The following NVL variants were observed in gnomAD, a reference collection of about 807,000 sequenced individuals.
The protein encoded by NVL is nuclear VCP like.
NVL carries 84 observed loss-of-function variants against 110.2 expected under a neutral mutation model. The ratio of observed to expected loss-of-function variants is 0.76; its 90% confidence interval spans 0.64 to 0.91. The LOEUF is 0.91. Ranked by LOEUF, NVL falls within the 40% of genes least tolerant of loss-of-function variation. The pLI is 0.00. For missense variants in NVL, 882 were observed against 1,035.9 expected, an observed-to-expected ratio of 0.85 and a Z score of 2.04; for synonymous variants, 354 against 361.1, an observed-to-expected ratio of 0.98 and a Z score of 0.22.
In NVL at chr1:224,268,068, C is replaced by T; in HGVS notation, c.2148G>A (p.Gln716=). ...TAGTGGCTGCCATAATAAAAACCTG[C>T]TGGCGTGCTTCCAGACCATCCATCT... The part of the protein sequence containing the change: ...LTEMDGLEAR[Q]QVFIMAATNR... Residue 716 remains glutamine (Q), a synonymous_variant, in exon 18 of 23, where the codon CAG becomes CAA. Coordinates refer to ENST00000281701, the MANE Select transcript of NVL (RefSeq NM_002533.4). 1 of 1,614,030 alleles carries T rather than the reference C, an allele frequency of 6.2e-7. No homozygotes were observed. Among genetic ancestry groups the T allele is most frequent in the Non-Finnish European group, 8.5e-7 (1 of 1,179,968 alleles).
chr1:224,248,934 A>G (rs1662155425), intron 19 of NVL, among the ~76,000 whole-genome samples: 1 of 152,218 alleles, frequency 6.6e-6, no homozygotes, highest in Non-Finnish European at 1.5e-5. Context: ...GACAGCTCCC[A>G]TGGGGGGAGG....
chr1:224,264,380 C>T (rs920750588), intron 18 of NVL, among the ~76,000 whole-genome samples: 3 of 151,054 alleles, frequency 2.0e-5, no homozygotes, highest in Admixed American at 1.3e-4. Flanking sequence ...CCTGAGTAGC[C>T]GGGATTGCAG....
intron 19 of NVL, among the ~76,000 whole-genome samples, chr1:224,237,522 T>C (rs991373494): frequency 7.2e-5 from 11 of 152,144 alleles, no homozygotes; most frequent in African/African-American, 2.7e-4. Context: ...ACCCAGTAAC[T>C]TGCATGCATA....
At chr1:224,237,999 C>A (rs980544654) in intron 19 of NVL, among the ~76,000 whole-genome samples, 16 of 149,136 alleles carry the variant, frequency 1.1e-4, no homozygotes, top group Non-Finnish European at 2.4e-4. Context: ...GAAACACACA[C>A]AAAAGTGAAT....
At chr1:224,233,570 C>T (rs923085329) in intron 20 of NVL, among the ~76,000 whole-genome samples, 1 of 151,938 alleles carries the variant, frequency 6.6e-6, no homozygotes, top group Non-Finnish European at 1.5e-5. Context: ...CTAGTCTCAG[C>T]AATATGGAGA....
chr1:224,260,833 C>T (rs749573010), intron 18 of NVL, among the ~76,000 whole-genome samples: 3 of 151,260 alleles, frequency 2.0e-5, no homozygotes, highest in Non-Finnish European at 4.4e-5. Flanking sequence ...TCCCAAGTAG[C>T]TGGGATTACA....
At position 224,275,434 on chromosome 1, in the gene NVL, C is replaced by T. The variant is rs1278162011; in HGVS notation, c.1987G>A (p.Val663Met). Residue 663 changes from valine (V) to methionine (M), a missense_variant, in exon 17 of 23, where the codon GTG (valine) becomes ATG (methionine). Physicochemically the swap from Val to Met is conservative, Grantham distance 21. Coordinates refer to ENST00000281701, the MANE Select transcript of NVL (RefSeq NM_002533.4). ...TTGGCTCGTTGAAAAACTTGTCGCA[C>T]AGCACGTTCACTCTCACCAACATAC... The part of the protein sequence containing the change: ...NMYVGESERA[V>M]RQVFQRAKNS... The T allele has an allele frequency of 4.3e-6, 7 of 1,614,140 alleles. No individual in the cohort carries two copies. Among genetic ancestry groups the T allele is most frequent in the Non-Finnish European group, 1.7e-6 (2 of 1,180,034 alleles).
chr1:224,257,324 G>C (rs1322719958), intron 18 of NVL, among the ~76,000 whole-genome samples: 3 of 151,484 alleles, frequency 2.0e-5, no homozygotes, highest in Non-Finnish European at 4.4e-5. Flanking sequence ...GCTTGCCATG[G>C]GTAAAAAACA....
chr1:224,286,573 T>C (rs1666894930), intron 14 of NVL, among the ~76,000 whole-genome samples: 1 of 152,232 alleles, frequency 6.6e-6, no homozygotes, highest in South Asian at 2.1e-4. Context: ...TACCTGTTCA[T>C]GCTCTGTGGT....
intron 2 of NVL, among the ~76,000 whole-genome samples, chr1:224,325,952 A>G (rs1430110689): frequency 6.6e-6 from 1 of 151,408 alleles, no homozygotes; most frequent in East Asian, 1.9e-4. Context: ...AAGCCTGGCA[A>G]ATTTTTGTAT....
chr1:224,293,190 C>T (rs1009762041), intron 12 of NVL, among the ~76,000 whole-genome samples: 1 of 151,932 alleles, frequency 6.6e-6, no homozygotes, highest in African/African-American at 2.4e-5. Context: ...CTGCCTCAGC[C>T]TCTCAAGTAG....
At chr1:224,306,468 G>A (rs1480433465) in intron 6 of NVL, among the ~76,000 whole-genome samples, 1 of 152,062 alleles carries the variant, frequency 6.6e-6, no homozygotes, top group Non-Finnish European at 1.5e-5. Flanking sequence ...GGGTTTCACT[G>A]TGTTAGCCAG....
At chr1:224,303,925 T>C in intron 8 of NVL, 68 bp from the exon 9 acceptor site, 1 of 1,504,250 alleles carries the variant, frequency 6.6e-7, no homozygotes, top group East Asian at 2.4e-5. Flanking sequence ...AATGTCCTAT[T>C]TTTCGGAGCA....
At chr1:224,310,648 C>T (rs963712390) in intron 5 of NVL, among the ~76,000 whole-genome samples, 5 of 152,140 alleles carry the variant, frequency 3.3e-5, no homozygotes, top group South Asian at 2.1e-4. Context: ...TGAAGACTTC[C>T]GAAGTCTCTT....
chr1:224,243,941 G>C (rs61826433), intron 19 of NVL, among the ~76,000 whole-genome samples: 6,690 of 151,812 alleles, frequency 0.044, 219 homozygotes, highest in Non-Finnish European at 0.064. Flanking sequence ...TTACAGGCGT[G>C]AGCCACCACA....
chr1:224,272,342 T>TA lies in NVL; in HGVS notation c.2082+2996dup, dbSNP rs886608612. Among the ~76,000 whole-genome samples, 346 of 142,674 alleles carry TA rather than the reference T, an allele frequency of 2.4e-3. 1 individual carries two copies. Among genetic ancestry groups the TA allele is most frequent in the African/African-American group, 6.7e-3 (260 of 38,978 alleles). The allele number at this position is 142,674 out of a possible 152,430, so 93.6% of individuals were successfully genotyped here. ...CTTGAGTGAGAGTGAGACTCTGTTT[T>TA]AAAAAAAAAAAAATCAAATAAAAAG... is the stretch of plus-strand genomic sequence containing the variant. On this transcript the variant is annotated intron_variant, in intron 17 of 22. Transcript: ENST00000281701.
chr1:224,290,935 C>T (rs1363737041), intron 12 of NVL, among the ~76,000 whole-genome samples: 1 of 152,016 alleles, frequency 6.6e-6, no homozygotes, highest in African/African-American at 2.4e-5. Flanking sequence ...TGTCACTGCA[C>T]TCCAGCCCGG....
intron 11 of NVL, among the ~76,000 whole-genome samples, chr1:224,295,457 C>T (rs1284878900): frequency 1.3e-5 from 2 of 152,090 alleles, no homozygotes; most frequent in East Asian, 3.9e-4. Flanking sequence ...ACCTCGGCCT[C>T]CCAAAGTGCT....
chr1:224,296,650 A>C, intron 10 of NVL, 32 bp from the exon 11 acceptor site: 1 of 1,309,420 alleles, frequency 7.6e-7, no homozygotes, highest in Non-Finnish European at 1.1e-6. Flanking sequence ...AAAGACAATC[A>C]TAAATGCATC....
Sources: allele counts gnomAD v4.1 joint callset (sites outside exome capture counted in the v4.1 genomes callset), GRCh38; gene constraint gnomAD v4.1.1; transcripts MANE v1.5; gene names NCBI Gene and HGNC (gene_info 2026-07-23, HGNC 2026-07-21).